Variants in KCNJ10 observed in about 807,000 individuals in gnomAD.
KCNJ10 encodes the protein ATP-sensitive inward rectifier potassium channel 10.
KCNJ10 carries 9 observed loss-of-function variants against 22.2 expected under a neutral mutation model. The observed-to-expected ratio is 0.40, with a 90% CI of 0.24 to 0.71. The LOEUF is 0.71. Among genes scored for constraint, KCNJ10 ranks in the 30% least tolerant of loss-of-function variants. KCNJ10 has a pLI of 0.35. For missense variants in KCNJ10, 337 were observed against 482.7 expected (o/e 0.70, Z 2.83); for synonymous variants, 184 against 187.3 (o/e 0.98, Z 0.15).
rs377591855 is a variant in KCNJ10, at chr1:160,058,431, G to T, written c.-1+11591C>A. Among the ~76,000 whole-genome samples, 34 of 152,318 alleles carry T rather than the reference G, an allele frequency of 2.2e-4. 2 individuals carry two copies. In the South Asian group the frequency reaches 6.6e-3, roughly 30 times the overall value. On this transcript the variant is annotated intron_variant, in intron 1 of 1. Coordinates refer to ENST00000644903, the MANE Select transcript of KCNJ10 (RefSeq NM_002241.5). ...GTGATAAAATCCAGGGTCTTCTGTG[G>T]AAGGCACATCTCTCTCTAGTGGTGA...
intron 1 of KCNJ10, among the ~76,000 whole-genome samples, chr1:160,049,680 TATATATATATATATATATATATA>T (rs1648840908): frequency 1.5e-4 from 11 of 71,374 alleles, no homozygotes; most frequent in Admixed American, 3.0e-4. Flanking sequence ...TTTATTTATA[TATATATATATATATATATATATA>T]TATATATATA....
intron 1 of KCNJ10, among the ~76,000 whole-genome samples, chr1:160,049,720 T>TATATATATATATATAA (rs1201390198): frequency 8.1e-6 from 1 of 122,936 alleles, no homozygotes; most frequent in African/African-American, 3.2e-5. Context: ...TATATATATA[T>TATATATATATATATAA]GTTATCCTAA....
rs1648529936 is a variant in KCNJ10, at chr1:160,038,537, C to T, written c.*2856G>A. 3 of 152,148 alleles carry T rather than the reference C, an allele frequency of 2.0e-5. No individual in the cohort carries two copies. The highest frequency in any genetic ancestry group is 2.0e-4 in the Admixed American group (3 of 15,274). The allele number at this position is 152,148 out of a possible 1,614,324, so 9.4% of individuals were successfully genotyped here. On this transcript the variant is annotated 3_prime_UTR_variant, in exon 2 of 2. Transcript: ENST00000644903. Reference sequence around the variant, plus strand: ...TCTCACTTCCATGTTGAAACCAGGACCACTGATTGTAAGTCTGAAAATCTG... The same window carrying T: ...TCTCACTTCCATGTTGAAACCAGGATCACTGATTGTAAGTCTGAAAATCTG...
Position 160,040,228 on chromosome 1 carries a change from C to T in KCNJ10, c.*1165G>A, listed in dbSNP as rs886045408. On this transcript the variant is annotated 3_prime_UTR_variant, in exon 2 of 2. Transcript: ENST00000644903. Reference sequence around the variant, plus strand: ...CACAGAGTTCTGCTCCTGCCCAAACCTTAACAAAGCATCACCAATTCTCAG... The same window carrying T: ...CACAGAGTTCTGCTCCTGCCCAAACTTTAACAAAGCATCACCAATTCTCAG... 16 of 291,364 alleles carry T rather than the reference C, an allele frequency of 5.5e-5. No homozygotes were observed. Among genetic ancestry groups the T allele is most frequent in the Middle Eastern group, 9.0e-4 (1 of 1,106 alleles). 18.0% of individuals were successfully genotyped at this position (291,364 alleles called of 1,614,324 possible). A position where few individuals can be genotyped will look rare whatever the true frequency, so the allele number is the denominator to read the frequency against.
At chr1:160,060,289 A>C (rs1435730621) in intron 1 of KCNJ10, among the ~76,000 whole-genome samples, 1 of 152,088 alleles carries the variant, frequency 6.6e-6, no homozygotes, top group East Asian at 1.9e-4. Context: ...ATAGTAACTA[A>C]CTGCCCGAGC....
At chr1:160,065,452 C>T (rs1429244423) in intron 1 of KCNJ10, among the ~76,000 whole-genome samples, 2 of 152,124 alleles carry the variant, frequency 1.3e-5, no homozygotes, top group Non-Finnish European at 2.9e-5. Flanking sequence ...AGGAAACCCC[C>T]GGCTAATGAG....
At chr1:160,048,211 G>T (rs577862645) in intron 1 of KCNJ10, among the ~76,000 whole-genome samples, 3 of 152,254 alleles carry the variant, frequency 2.0e-5, no homozygotes, top group Non-Finnish European at 4.4e-5. Context: ...CTGAAAGCCT[G>T]ATCTGGACGG....
intron 1 of KCNJ10, among the ~76,000 whole-genome samples, chr1:160,049,953 C>T (rs1271822733): frequency 2.0e-5 from 3 of 151,266 alleles, no homozygotes; most frequent in Admixed American, 1.3e-4. Context: ...ATTCCCCCTT[C>T]TTGTCTGTAT....
At chr1:160,061,842 T>C (rs1649203316) in intron 1 of KCNJ10, among the ~76,000 whole-genome samples, 1 of 151,614 alleles carries the variant, frequency 6.6e-6, no homozygotes, top group African/African-American at 2.4e-5. Flanking sequence ...CTGGGGTCAG[T>C]GTGTTGTGTC....
intron 1 of KCNJ10, among the ~76,000 whole-genome samples, chr1:160,051,196 A>G (rs1461592240): frequency 6.6e-6 from 1 of 151,944 alleles, no homozygotes; most frequent in Non-Finnish European, 1.5e-5. Flanking sequence ...TGCTGGGATT[A>G]CAGGCATGAG....
chr1:160,049,681 A>ATATATATATATATATATATATATATT (rs1648842381), intron 1 of KCNJ10, among the ~76,000 whole-genome samples: 4 of 75,372 alleles, frequency 5.3e-5, no homozygotes, highest in African/African-American at 1.5e-4. Flanking sequence ...TTATTTATAT[A>ATATATATATATATATATATATATATT]TATATATATA....
intron 1 of KCNJ10, among the ~76,000 whole-genome samples, chr1:160,046,513 G>A (rs1648743503): frequency 5.3e-5 from 8 of 152,174 alleles, no homozygotes; most frequent in Admixed American, 5.2e-4. Context: ...ACACATCCCA[G>A]GGTTAAGGCT....
intron 1 of KCNJ10, among the ~76,000 whole-genome samples, chr1:160,056,212 C>A (rs1416403963): frequency 6.6e-6 from 1 of 152,172 alleles, no homozygotes; most frequent in African/African-American, 2.4e-5. Context: ...TCACTGTGCT[C>A]ATCTCGGTCC....
At chr1:160,063,183 T>TC (rs1649242016) in intron 1 of KCNJ10, among the ~76,000 whole-genome samples, 1 of 152,292 alleles carries the variant, frequency 6.6e-6, no homozygotes, top group African/African-American at 2.4e-5. Flanking sequence ...ATTAATGCCC[T>TC]CAGCACCACC....
intron 1 of KCNJ10, among the ~76,000 whole-genome samples, chr1:160,060,148 T>C (rs1160184477): frequency 6.6e-6 from 1 of 152,010 alleles, no homozygotes. Flanking sequence ...CTCTGCCCCC[T>C]CTCAACTTTT....
chr1:160,043,049 C>T (rs1426367509), intron 1 of KCNJ10, among the ~76,000 whole-genome samples: 3 of 152,010 alleles, frequency 2.0e-5, no homozygotes, highest in African/African-American at 7.3e-5. Flanking sequence ...ATAATTGCAA[C>T]ACAGTCTGAT....
intron 1 of KCNJ10, among the ~76,000 whole-genome samples, chr1:160,067,690 A>G (rs888268664): frequency 3.3e-5 from 5 of 152,054 alleles, no homozygotes; most frequent in African/African-American, 7.2e-5. Context: ...TGTGGCTGGA[A>G]AGCTTAGGGA....
At chr1:160,045,431 A>G (rs1648721408) in intron 1 of KCNJ10, among the ~76,000 whole-genome samples, 1 of 152,232 alleles carries the variant, frequency 6.6e-6, no homozygotes, top group Admixed American at 6.5e-5. Context: ...CAAGTCTAAC[A>G]AAAATGTTAA....
chr1:160,041,661 C>T lies in KCNJ10; in HGVS notation c.872G>A (p.Ser291Asn). Reference protein sequence around the residue: ...LILSGTVESTSATCQVRTSYL... With the variant: ...LILSGTVESTNATCQVRTSYL... ...GGAAGTGCGCACCTGACAGGTGGCA[C>T]TGGTGGACTCCACTGTCCCACTTAG... Residue 291 changes from serine (S) to asparagine (N), a missense_variant, in exon 2 of 2, where the codon AGT (serine) becomes AAT (asparagine). Physicochemically the swap from Ser to Asn is conservative, Grantham distance 46 (BLOSUM62 1). This residue lies in a region of KCNJ10 where 165 missense variants were observed against 281.5 expected (regional missense o/e 0.59). Transcript: ENST00000644903. The surrounding 1 kb of genome is among the most constrained non-coding windows in gnomAD (Gnocchi z 4.4). 6.2e-7 allele frequency: 1 copy of T among 1,614,198 alleles called. No homozygotes were observed. The highest frequency in any genetic ancestry group is 8.5e-7 in the Non-Finnish European group (1 of 1,180,034).
Sources: gnomAD v4.1 joint callset for allele counts (sites outside exome capture counted in the v4.1 genomes callset) on GRCh38, gnomAD v4.1.1 for gene constraint, gnomAD v4.1.1 regional missense constraint, Gnocchi (gnomAD v3.1) non-coding constraint, MANE v1.5 for transcripts, NCBI Gene and HGNC (gene_info 2026-07-23, HGNC 2026-07-21) for gene names.